WDFY4: variants seen among roughly 807,000 people sequenced by gnomAD.
The protein encoded by WDFY4 is WD repeat- and FYVE domain-containing protein 4.
In WDFY4, 169 loss-of-function variants were observed where a neutral mutation model predicts 351.9. The observed-to-expected ratio is 0.48, with a 90% CI of 0.42 to 0.55. WDFY4 has a LOEUF of 0.55. Among genes scored for constraint, WDFY4 ranks in the 20% least tolerant of loss-of-function variants. WDFY4 has a pLI of 0.00. For missense variants in WDFY4, 3,803 were observed against 3,935.6 expected (o/e 0.97, Z 0.90); for synonymous variants, 1,622 against 1,574.6 (o/e 1.03, Z -0.71).
At chr10:48,939,463 A>T (rs575751800) in intron 47 of WDFY4, among the ~76,000 whole-genome samples, 2 of 152,288 alleles carry the variant, frequency 1.3e-5, no homozygotes, top group Non-Finnish European at 1.5e-5. Flanking sequence ...TAGAATTTAG[A>T]TCCAGGTGTC....
chr10:48,789,960 T>A lies in WDFY4; in HGVS notation c.4041T>A (p.Ile1347=), dbSNP rs2066623752. 1 of 1,552,240 alleles carries A rather than the reference T, an allele frequency of 6.4e-7. No homozygotes were observed. Among genetic ancestry groups the A allele is most frequent in the Non-Finnish European group, 8.7e-7 (1 of 1,147,144 alleles). The change falls in exon 22 of 62, where the codon ATT becomes ATA. Residue 1347 remains isoleucine (I), a synonymous_variant. Transcript: ENST00000325239. ...ACCTGTCAGGGTCTCTGCGGACCATTGGAGCTGTTGCTGTGGGTCAATTAG... is the reference window on the plus strand; with the variant it reads ...ACCTGTCAGGGTCTCTGCGGACCATAGGAGCTGTTGCTGTGGGTCAATTAG... ...AGHLSGSLRT[I]GAVAVGQLGV... is the part of the protein sequence containing the mutation.
intron 1 of WDFY4, among the ~76,000 whole-genome samples, chr10:48,697,004 G>T (rs537067896): frequency 2.6e-5 from 4 of 152,246 alleles, no homozygotes; most frequent in Admixed American, 6.5e-5. Flanking sequence ...GCTGCTCTGG[G>T]TTGGCCTGGC....
chr10:48,705,739 T>A (rs1219289051), intron 1 of WDFY4, among the ~76,000 whole-genome samples: 1 of 152,192 alleles, frequency 6.6e-6, no homozygotes, highest in Non-Finnish European at 1.5e-5. Context: ...AGTGTTTCAC[T>A]TCAGCAAACG....
At chr10:48,971,151 C>T (rs910910847) in intron 57 of WDFY4, among the ~76,000 whole-genome samples, 6 of 152,122 alleles carry the variant, frequency 3.9e-5, no homozygotes, top group African/African-American at 1.4e-4. Flanking sequence ...CTCTAAAATC[C>T]AATTCATTTC....
At chr10:48,875,187 G>T (rs1408826274) in intron 42 of WDFY4, 47 bp downstream of exon 42, 9 of 1,085,586 alleles carry the variant, frequency 8.3e-6, no homozygotes, top group South Asian at 5.1e-5. Flanking sequence ...GCTAATTATT[G>T]GTTTTATTTA....
At chr10:48,736,277 G>T in intron 11 of WDFY4, 1 of 630,868 alleles carries the variant, frequency 1.6e-6, no homozygotes, top group Admixed American at 2.5e-5. Context: ...GCAACATACA[G>T]TCCAGTCAAT....
rs144844925 is a variant in WDFY4 at position 48,721,931 on chromosome 10, G to A, written c.456+564G>A. Among the ~76,000 whole-genome samples the A allele has an allele frequency of 3.3e-3, 495 of 152,176 alleles. 2 individuals are homozygous for A. Among genetic ancestry groups the A allele is most frequent in the Non-Finnish European group, 5.6e-3 (384 of 67,998 alleles). On this transcript the variant is annotated intron_variant, in intron 4 of 61. Transcript: ENST00000325239. ...CCCTGTAGGTACCTGTCTCGCCCTCGCCCAGAGATGAGGGCTCTCCTCTTT... is the reference window on the plus strand; with the variant it reads ...CCCTGTAGGTACCTGTCTCGCCCTCACCCAGAGATGAGGGCTCTCCTCTTT...
chr10:48,957,501 C>T (rs910379959), intron 52 of WDFY4, among the ~76,000 whole-genome samples: 3 of 152,188 alleles, frequency 2.0e-5, no homozygotes, highest in Non-Finnish European at 4.4e-5. Flanking sequence ...AGCCACCACC[C>T]GACCTGCGAC....
At position 48,903,368 on chromosome 10, in the gene WDFY4, G is replaced by A. The variant is rs980679416; in HGVS notation, c.7586+1505G>A. Among the ~76,000 whole-genome samples, 4 of 152,226 alleles carry A rather than the reference G, an allele frequency of 2.6e-5. No individual in the cohort carries two copies. In the East Asian group the frequency reaches 7.7e-4, roughly 29 times the overall value. ...ATTAATAAGAATCACTCTGGCTGCTGTGCCAAGAATAGACTGGAGTGGGTC... is the reference window on the plus strand; with the variant it reads ...ATTAATAAGAATCACTCTGGCTGCTATGCCAAGAATAGACTGGAGTGGGTC... On this transcript the variant is annotated intron_variant, in intron 47 of 61. Coordinates refer to ENST00000325239, the MANE Select transcript of WDFY4 (RefSeq NM_001394531.1).
At chr10:48,877,258 G>A (rs1332675837) in intron 43 of WDFY4, 59 bp downstream of exon 43, 3 of 1,499,044 alleles carry the variant, frequency 2.0e-6, no homozygotes, top group Non-Finnish European at 1.8e-6. Context: ...AAGATTGTCA[G>A]ACAGGAGAAA....
chr10:48,719,192 A>G (rs2064000096), intron 2 of WDFY4, among the ~76,000 whole-genome samples: 1 of 152,246 alleles, frequency 6.6e-6, no homozygotes, highest in African/African-American at 2.4e-5. Context: ...ATTATGGCCT[A>G]TCTAACATTT....
Position 48,950,659 on chromosome 10 carries a change from A to G in WDFY4, c.7977+3690A>G, listed in dbSNP as rs111874475. ...CTCATGGTAAATAAAGCAAGGTGGG[A>G]TCTACAGAGGTTGTCCAGAGGGGAC... On this transcript the variant is annotated intron_variant, in intron 51 of 61. Coordinates refer to ENST00000325239, the MANE Select transcript of WDFY4 (RefSeq NM_001394531.1). Among the ~76,000 whole-genome samples, 835 of 152,340 alleles carry G rather than the reference A, an allele frequency of 5.5e-3. 15 individuals carry two copies. The highest frequency in any genetic ancestry group is 0.019 in the African/African-American group (789 of 41,576).
chr10:48,766,277 T>C (rs939405859), intron 13 of WDFY4, among the ~76,000 whole-genome samples: 8 of 152,176 alleles, frequency 5.3e-5, no homozygotes, highest in African/African-American at 1.9e-4. Context: ...CCAGGTGACT[T>C]CTCATGGTAG....
chr10:48,901,878 C>T lies in WDFY4; in HGVS notation c.7586+15C>T, dbSNP rs757431592. 4 of 1,550,722 alleles carry T rather than the reference C, an allele frequency of 2.6e-6. No homozygotes were observed. The South Asian group carries it at 3.6e-5, about 14-fold the overall frequency. On this transcript the variant is annotated intron_variant, in intron 47 of 61. Coordinates refer to ENST00000325239, the MANE Select transcript of WDFY4 (RefSeq NM_001394531.1). ...CTCAGTCTAAGGTAATGGCGGGTAGCCATGCTGTCTGGGCATGGCACTGCC... is the reference window on the plus strand; with the variant it reads ...CTCAGTCTAAGGTAATGGCGGGTAGTCATGCTGTCTGGGCATGGCACTGCC...
chr10:48,790,951 C>G, intron 23 of WDFY4, 34 bp downstream of exon 23: 1 of 1,548,266 alleles, frequency 6.5e-7, no homozygotes, highest in Non-Finnish European at 8.7e-7. Context: ...ACTGAGACTC[C>G]TGAAAGGGCT....
chr10:48,922,029 T>A (rs1839128782), intron 47 of WDFY4, among the ~76,000 whole-genome samples: 1 of 152,240 alleles, frequency 6.6e-6, no homozygotes, highest in Non-Finnish European at 1.5e-5. Flanking sequence ...TATTTATAGC[T>A]GCTCTATTCA....
chr10:48,870,145 T>C (rs1168978165), intron 40 of WDFY4, among the ~76,000 whole-genome samples: 1 of 152,196 alleles, frequency 6.6e-6, no homozygotes, highest in East Asian at 1.9e-4. Context: ...CTTTGAAGGC[T>C]GGTCAACCCC....
intron 47 of WDFY4, among the ~76,000 whole-genome samples, chr10:48,907,373 G>A (rs565226069): frequency 1.1e-3 from 161 of 152,344 alleles, no homozygotes; most frequent in Non-Finnish European, 1.8e-3. Flanking sequence ...CTGGGTGTGA[G>A]ATGGTGCTTG....
chr10:48,832,698 T>G lies in WDFY4; in HGVS notation c.6652T>G (p.Cys2218Gly), dbSNP rs548225900. 1.1e-5 allele frequency: 17 copies of G among 1,547,510 alleles called. No homozygotes were observed. The East Asian group carries it at 4.2e-4, about 38-fold the overall frequency. ...MPGRQAKDPE[C>G]KTEDFVSCIE... ...CGGGCGGCAGGCCAAGGACCCTGAG[T>G]GCAAGACAGAGGTGAGCCCAGACCC... is the stretch of plus-strand genomic sequence containing the variant. Residue 2218 changes from cysteine to glycine, a missense_variant, in exon 39 of 62, where the codon TGC (cysteine) becomes GGC (glycine). By Grantham distance (159) the Cys-to-Gly change is radical. Transcript: ENST00000325239.
Sources: allele counts gnomAD v4.1 joint callset (sites outside exome capture counted in the v4.1 genomes callset), GRCh38; gene constraint gnomAD v4.1.1; transcripts MANE v1.5; gene names NCBI Gene and HGNC (gene_info 2026-07-23, HGNC 2026-07-21).